HYAL1: variants seen among roughly 807,000 people sequenced by gnomAD.
The protein encoded by HYAL1 is hyaluronidase 1.
Under a neutral mutation model 28.8 loss-of-function variants are expected in HYAL1, and 21 were observed. The ratio of observed to expected loss-of-function variants is 0.73; its 90% CI spans 0.52 to 1.05. The LOEUF (loss-of-function observed/expected upper bound fraction) is 1.05. HYAL1 is among the 50% of genes least tolerant of loss of function. HYAL1 has a pLI of 0.00. For synonymous variants in HYAL1, 200 were observed against 230.1 expected, an observed-to-expected ratio of 0.87 and a Z score of 1.18; for missense variants, 491 against 579.2, an observed-to-expected ratio of 0.85 and a Z score of 1.56.
upstream of HYAL1, among the ~76,000 whole-genome samples, chr3:50,308,073 G>A (rs943068636): frequency 2.0e-5 from 3 of 151,160 alleles, no homozygotes; most frequent in East Asian, 5.8e-4. Flanking sequence ...GAGATTACAG[G>A]TGTGAGCCAC....
At chr3:50,304,297 ATATATAT>A (rs1449537321), upstream of HYAL1, among the ~76,000 whole-genome samples, 43 of 14,768 alleles carry the variant, frequency 2.9e-3, no homozygotes, top group East Asian at 0.018. Flanking sequence ...AAAAAAAAAA[ATATATAT>A]ATATATATAT....
Position 50,300,641 on chromosome 3 carries a change from G to C in HYAL1, c.1150C>G (p.Pro384Ala), listed in dbSNP as rs782350743. ...SHPKALLLLN[P>A]ASFSIQLTPG... is the part of the protein sequence containing the mutation. Reference sequence around the variant, plus strand: ...GTGAGCTGGATGGAGAAACTGGCAGGGTTAAGGAGGAGGAGGGCTTTGGGG... The same window carrying C: ...GTGAGCTGGATGGAGAAACTGGCAGCGTTAAGGAGGAGGAGGGCTTTGGGG... The change falls in exon 4 of 4, where the codon CCT becomes GCT. Residue 384 changes from proline (P) to alanine (A), a missense_variant. By Grantham distance (27) the Pro-to-Ala change is conservative (BLOSUM62 -1). Coordinates refer to ENST00000395144, the MANE Select transcript of HYAL1 (RefSeq NM_033159.4). 3.1e-6 allele frequency: 5 copies of C among 1,614,126 alleles called. No individual in the cohort carries two copies. The South Asian group carries it at 4.4e-5, about 14-fold the overall frequency.
chr3:50,311,038 C>T (rs1449735566), intron 1 of HYAL1, among the ~76,000 whole-genome samples: 1 of 152,178 alleles, frequency 6.6e-6, no homozygotes, highest in Non-Finnish European at 1.5e-5. Context: ...ATTTCTCAAT[C>T]TTTTCCCCAC....
intron 3 of HYAL1, 52 bp downstream of exon 3, chr3:50,300,936 T>A: frequency 2.8e-6 from 3 of 1,087,230 alleles, no homozygotes; most frequent in Non-Finnish European, 4.2e-6. Context: ...CCCGTCAGCT[T>A]AATGGCCCCA....
upstream of HYAL1, among the ~76,000 whole-genome samples, chr3:50,305,364 C>G (rs1274021719): frequency 1.3e-5 from 2 of 152,034 alleles, no homozygotes; most frequent in Non-Finnish European, 2.9e-5. Context: ...CTGCCTCAGC[C>G]TCCCGAGTAG....
At chr3:50,310,944 A>C (rs1240074817) in intron 1 of HYAL1, among the ~76,000 whole-genome samples, 1 of 152,016 alleles carries the variant, frequency 6.6e-6, no homozygotes, top group Non-Finnish European at 1.5e-5. Flanking sequence ...CAGGATCCCA[A>C]GGCAGAAGAA....
chr3:50,306,183 T>A (rs145087297), upstream of HYAL1, among the ~76,000 whole-genome samples: 3 of 150,466 alleles, frequency 2.0e-5, no homozygotes, highest in Non-Finnish European at 4.4e-5. Context: ...GATTTCTCAA[T>A]TGGTTGAGAT....
upstream of HYAL1, among the ~76,000 whole-genome samples, chr3:50,307,185 C>A (rs1268188113): frequency 6.7e-6 from 1 of 149,138 alleles, no homozygotes; most frequent in Non-Finnish European, 1.5e-5. Flanking sequence ...GCCAACATGG[C>A]GAAACCCTGT....
intron 2 of HYAL1, among the ~76,000 whole-genome samples, chr3:50,301,825 C>T (rs1223592025): frequency 1.1e-4 from 17 of 151,322 alleles, no homozygotes; most frequent in Admixed American, 2.6e-4. Flanking sequence ...TGGTGGCGGG[C>T]GCCTGTATCC....
intron 3 of HYAL1, 68 bp downstream of exon 3, chr3:50,300,920 G>A: frequency 1.3e-6 from 2 of 1,496,926 alleles, no homozygotes; most frequent in South Asian, 2.3e-5. Flanking sequence ...GTAAGTCAGG[G>A]TCTACCCCGT....
intron 1 of HYAL1, among the ~76,000 whole-genome samples, chr3:50,311,849 ACCC>A (rs1299040962): frequency 1.3e-5 from 1 of 79,216 alleles, no homozygotes; most frequent in Non-Finnish European, 2.4e-5. Flanking sequence ...CGGGGGGCTG[ACCC>A]CCCCACCTCC....
At chr3:50,305,695 C>G (rs2109313037), upstream of HYAL1, among the ~76,000 whole-genome samples, 1 of 150,772 alleles carries the variant, frequency 6.6e-6, no homozygotes, top group South Asian at 2.1e-4. Context: ...GCCACCACAC[C>G]CAGCTAATTT....
intron 2 of HYAL1, among the ~76,000 whole-genome samples, chr3:50,309,483 A>C (rs587671728): frequency 1.3e-5 from 2 of 149,862 alleles, no homozygotes; most frequent in South Asian, 4.2e-4. Context: ...AAAAAAAAAG[A>C]ATCTGTTTTC....
chr3:50,303,109 A>AGG, intron 1 of HYAL1, 129 bp from the exon 2 acceptor site: 1 of 738,572 alleles, frequency 1.4e-6, no homozygotes, highest in Non-Finnish European at 2.1e-6. Context: ...ATTGACCTGC[A>AGG]GGGCTCCAGG....
Position 50,302,516 on chromosome 3 carries a change from GT to G in HYAL1, c.440del (p.Tyr147SerfsTer24). 3 of 1,614,202 alleles carry G rather than the reference GT, an allele frequency of 1.9e-6. No individual in the cohort carries two copies. The highest frequency in any genetic ancestry group is 2.5e-6 in the Non-Finnish European group (3 of 1,180,034). On this transcript the variant is annotated frameshift_variant, in exon 2 of 4. Coordinates refer to ENST00000395144, the MANE Select transcript of HYAL1 (RefSeq NM_033159.4). LOFTEE classifies it high-confidence loss of function. This position sits in a 1 kb window ranked among gnomAD's most constrained non-coding sequence, Gnocchi z 5.0. ...WAFNWDTKDI[Y>X]RQRSRALVQA... The stretch of plus-strand genomic sequence containing the variant: ...GTACCAGTGCCCGTGAGCGCTGCCG[GT>G]AAATGTCCTTGGTGTCCCAGTTGAA...
rs1702096627 is a variant in HYAL1 at position 50,300,693 on chromosome 3, A to G, written c.1098T>C (p.His366=). The G allele has an allele frequency of 6.2e-7, 1 of 1,613,906 alleles. No individual in the cohort carries two copies. The highest frequency in any genetic ancestry group is 1.3e-5 in the African/African-American group (1 of 74,942). ...GGCTGGTGCGGCGGACACAGCGGCC[A>G]TGGCCGGAGCACAGGGCTTGACTGC... ...LLCSQALCSG[H]GRCVRRTSHP... The change falls in exon 4 of 4, where the codon CAT becomes CAC. Residue 366 remains histidine (H), a synonymous_variant. Coordinates refer to ENST00000395144, the MANE Select transcript of HYAL1 (RefSeq NM_033159.4).
upstream of HYAL1, among the ~76,000 whole-genome samples, chr3:50,307,967 TTG>T (rs1422273450): frequency 6.7e-6 from 1 of 149,922 alleles, no homozygotes; most frequent in African/African-American, 2.5e-5. Flanking sequence ...GCTAATTTTT[TTG>T]TGTTTTTAGT....
Position 50,301,096 on chromosome 3 carries a change from A to G in HYAL1, c.901-19T>C. On this transcript the variant is annotated intron_variant, in intron 2 of 3. Transcript: ENST00000395144. ...GCTCATCCTGGGAAGGAGACAGCAC[A>G]GCTCTGTGGGGCCTCCTTCCCACCA... 6.4e-7 allele frequency: 1 copy of G among 1,555,194 alleles called. No homozygotes were observed. Among genetic ancestry groups the G allele is most frequent in the Non-Finnish European group, 8.9e-7 (1 of 1,127,342 alleles).
chr3:50,311,108 C>G (rs587706581), intron 1 of HYAL1, among the ~76,000 whole-genome samples: 1 of 152,178 alleles, frequency 6.6e-6, no homozygotes, highest in African/African-American at 2.4e-5. Flanking sequence ...TCTCAATGAG[C>G]TGTTGGGTAC....
Sources: gnomAD v4.1 joint callset for allele counts (sites outside exome capture counted in the v4.1 genomes callset) on GRCh38, gnomAD v4.1.1 for gene constraint, Gnocchi (gnomAD v3.1) non-coding constraint, MANE v1.5 for transcripts, NCBI Gene and HGNC (gene_info 2026-07-23, HGNC 2026-07-21) for gene names.